The following PDE3A variants were observed in gnomAD, a reference collection of about 807,000 sequenced individuals.
PDE3A encodes cGMP-inhibited 3',5'-cyclic phosphodiesterase 3A.
Under a neutral mutation model 98.3 loss-of-function variants are expected in PDE3A, and 43 were observed. The ratio of observed to expected loss-of-function variants is 0.44; its 90% CI spans 0.34 to 0.56. PDE3A has a LOEUF of 0.56. PDE3A is among the 20% of genes least tolerant of loss of function. The pLI is 0.01. For synonymous variants in PDE3A, 663 were observed against 567.9 expected, an observed-to-expected ratio of 1.17 and a Z score of -2.38; for missense variants, 1,427 against 1,440.7, an observed-to-expected ratio of 0.99 and a Z score of 0.15.
chr12:20,594,128 T>C (rs1943406438), intron 2 of PDE3A, among the ~76,000 whole-genome samples: 2 of 152,174 alleles, frequency 1.3e-5, no homozygotes, highest in African/African-American at 4.8e-5. Flanking sequence ...AAAATGTTAA[T>C]AGATTATAAT....
At chr12:20,622,622 A>G (rs1158944261) in intron 5 of PDE3A, among the ~76,000 whole-genome samples, 1 of 152,154 alleles carries the variant, frequency 6.6e-6, no homozygotes, top group African/African-American at 2.4e-5. Context: ...ATGTAGGCTA[A>G]TGTAGGCAAA....
At chr12:20,591,657 A>C (rs974821415) in intron 2 of PDE3A, among the ~76,000 whole-genome samples, 3 of 152,210 alleles carry the variant, frequency 2.0e-5, no homozygotes, top group Non-Finnish European at 1.5e-5. Context: ...AGTCCAGTCT[A>C]GGGGCTGGTA....
chr12:20,474,978 T>G (rs1945503446), intron 1 of PDE3A, among the ~76,000 whole-genome samples: 1 of 151,788 alleles, frequency 6.6e-6, no homozygotes, highest in Admixed American at 6.6e-5. Context: ...TTTATTTTGG[T>G]GGAGATGGTA....
intron 1 of PDE3A, among the ~76,000 whole-genome samples, chr12:20,409,645 C>A (rs1944298046): frequency 6.6e-6 from 1 of 152,054 alleles, no homozygotes; most frequent in Non-Finnish European, 1.5e-5. Flanking sequence ...TATTATAAAT[C>A]TTCTACCCCA....
At chr12:20,377,226 T>C (rs1943588610) in intron 1 of PDE3A, among the ~76,000 whole-genome samples, 1 of 151,810 alleles carries the variant, frequency 6.6e-6, no homozygotes, top group South Asian at 2.1e-4. Context: ...ATAAACATTA[T>C]AGATAAGCAC....
intron 1 of PDE3A, among the ~76,000 whole-genome samples, chr12:20,461,288 T>C (rs1945246170): frequency 6.7e-6 from 1 of 150,286 alleles, no homozygotes; most frequent in African/African-American, 2.5e-5. Context: ...AGAGATAGCA[T>C]TGTCTTTCCT....
At chr12:20,678,035 G>C (rs1945685296) in intron 15 of PDE3A, among the ~76,000 whole-genome samples, 1 of 152,154 alleles carries the variant, frequency 6.6e-6, no homozygotes, top group African/African-American at 2.4e-5. Context: ...AGCTGCTCAG[G>C]ACTTGGTGGA....
intron 1 of PDE3A, among the ~76,000 whole-genome samples, chr12:20,391,384 TATATAC>T (rs917056255): frequency 2.0e-4 from 27 of 135,858 alleles, no homozygotes; most frequent in South Asian, 7.0e-4. Context: ...TATATATATA[TATATAC>T]ACACACACAT....
At chr12:20,401,208 A>G (rs1038277087) in intron 1 of PDE3A, among the ~76,000 whole-genome samples, 1 of 152,192 alleles carries the variant, frequency 6.6e-6, no homozygotes, top group African/African-American at 2.4e-5. Flanking sequence ...GTAACTTCTC[A>G]ACTGGTCTCC....
At chr12:20,598,258 C>T (rs1242590514) in intron 2 of PDE3A, among the ~76,000 whole-genome samples, 2 of 151,950 alleles carry the variant, frequency 1.3e-5, no homozygotes, top group Non-Finnish European at 2.9e-5. Context: ...TCTCAGCTCA[C>T]TGCAACCTCC....
intron 15 of PDE3A, among the ~76,000 whole-genome samples, chr12:20,655,974 G>T (rs766813071): frequency 1.3e-5 from 2 of 152,094 alleles, no homozygotes; most frequent in African/African-American, 2.4e-5. Flanking sequence ...AACCTATTTA[G>T]CTTAATTGAC....
At chr12:20,617,719 G>T (rs1225233576) in intron 4 of PDE3A, among the ~76,000 whole-genome samples, 1 of 152,084 alleles carries the variant, frequency 6.6e-6, no homozygotes, top group Non-Finnish European at 1.5e-5. Context: ...AATGCTTCAT[G>T]ATTTCCTTCC....
intron 1 of PDE3A, among the ~76,000 whole-genome samples, chr12:20,532,843 T>C (rs910984408): frequency 1.3e-4 from 20 of 151,960 alleles, no homozygotes; most frequent in Admixed American, 8.5e-4. Flanking sequence ...CGCCCGCCAC[T>C]ACGCCCGGCT....
At chr12:20,400,620 G>C (rs1944112836) in intron 1 of PDE3A, among the ~76,000 whole-genome samples, 1 of 151,798 alleles carries the variant, frequency 6.6e-6, no homozygotes, top group Non-Finnish European at 1.5e-5. Flanking sequence ...AGGTTTCACT[G>C]TGTTAGCCAA....
rs570854488 is a variant in PDE3A at position 20,529,661 on chromosome 12, G to C, written c.961-26999G>C. Among the ~76,000 whole-genome samples the C allele has an allele frequency of 2.0e-5, 3 of 152,178 alleles. No individual in the cohort carries two copies. The East Asian group carries it at 5.8e-4, about 30-fold the overall frequency. ...AGAATTGCCAGCAAACCAAACAGAA[G>C]CCAGGGAGAGGCAAGGATTCTTCTC... On this transcript the variant is annotated intron_variant, in intron 1 of 15. Coordinates refer to ENST00000359062, the MANE Select transcript of PDE3A (RefSeq NM_000921.5).
intron 1 of PDE3A, among the ~76,000 whole-genome samples, chr12:20,401,371 C>G (rs904480743): frequency 2.6e-5 from 4 of 152,026 alleles, no homozygotes; most frequent in Non-Finnish European, 5.9e-5. Context: ...TTGTTTTTTG[C>G]CTTTCAAATG....
chr12:20,675,069 AT>A (rs1945598109), intron 15 of PDE3A, among the ~76,000 whole-genome samples: 1 of 151,794 alleles, frequency 6.6e-6, no homozygotes, highest in South Asian at 2.1e-4. Context: ...TGTTGTTGAT[AT>A]TTATTGTGTT....
At chr12:20,613,763 T>C in intron 3 of PDE3A, 63 bp downstream of exon 3, 1 of 1,275,104 alleles carries the variant, frequency 7.8e-7, no homozygotes, top group Non-Finnish European at 1.1e-6. Flanking sequence ...CTTCTAGGTC[T>C]CCTTCCTGTC....
At position 20,653,963 on chromosome 12, in the gene PDE3A, G is replaced by C; in HGVS notation, c.2942G>C (p.Ser981Thr). Residue 981 changes from serine to threonine, a missense_variant, in exon 15 of 16, where the codon AGC becomes ACC. Around this residue, in one of 3 missense-constraint regions of PDE3A, gnomAD observed 273 missense variants for 420.3 expected, o/e 0.65. Transcript: ENST00000359062. ...EFYEQGDEEA[S>T]LGLPISPFMD... ...TATTTCTAGGGTGATGAAGAGGCCA[G>C]CCTTGGATTACCCATAAGCCCCTTC... The C allele has an allele frequency of 6.2e-7, 1 of 1,614,126 alleles. No homozygotes were observed. The highest frequency in any genetic ancestry group is 1.3e-5 in the African/African-American group (1 of 75,054).
Sources: allele counts gnomAD v4.1 joint callset (sites outside exome capture counted in the v4.1 genomes callset), GRCh38; gene constraint gnomAD v4.1.1; regional missense constraint gnomAD v4.1.1; transcripts MANE v1.5; gene names NCBI Gene and HGNC (gene_info 2026-07-23, HGNC 2026-07-21).